Variants in IL17RB observed in about 807,000 individuals in gnomAD.
IL17RB encodes interleukin-17 receptor B.
A neutral mutation model predicts 43.9 loss-of-function variants in IL17RB; 36 were observed. The observed-to-expected ratio is 0.82, with a 90% CI of 0.63 to 1.08. The LOEUF (loss-of-function observed/expected upper bound fraction) is 1.08, where lower values mean the gene tolerates loss of function less well. Among genes scored for constraint, IL17RB ranks in the 50% least tolerant of loss-of-function variants. IL17RB has a pLI of 0.00. For synonymous variants in IL17RB, 225 were observed against 225.4 expected (o/e 1.00, Z 0.02); for missense variants, 613 against 613.6 (o/e 1.00, Z 0.01).
chr3:53,849,971 A>G (rs574515451), intron 3 of IL17RB, among the ~76,000 whole-genome samples, 176 bp downstream of exon 3: 59 of 152,354 alleles, frequency 3.9e-4, no homozygotes, highest in African/African-American at 1.3e-3. Context: ...AGGCAACATT[A>G]GAAAGCACTC....
At chr3:53,847,192 C>A (rs1263192787) in intron 1 of IL17RB, among the ~76,000 whole-genome samples, 1 of 152,154 alleles carries the variant, frequency 6.6e-6, no homozygotes, top group Non-Finnish European at 1.5e-5. Context: ...CCCCAAATAA[C>A]CTTTGAAATG....
At chr3:53,849,952 A>G (rs1051549412) in intron 3 of IL17RB, among the ~76,000 whole-genome samples, 157 bp downstream of exon 3, 8 of 152,228 alleles carry the variant, frequency 5.3e-5, no homozygotes, top group Non-Finnish European at 8.8e-5. Context: ...CAGTAGCACT[A>G]CTTACAACAG....
intron 8 of IL17RB, 147 bp downstream of exon 8, chr3:53,857,837 G>T (rs1231592485): frequency 8.3e-6 from 6 of 721,820 alleles, no homozygotes; most frequent in Non-Finnish European, 1.5e-5. Flanking sequence ...CTCTTTCGCT[G>T]CAGCCTCCAC....
At chr3:53,850,195 T>C (rs367987188) in intron 3 of IL17RB, among the ~76,000 whole-genome samples, 1 of 152,144 alleles carries the variant, frequency 6.6e-6, no homozygotes, top group Non-Finnish European at 1.5e-5. Flanking sequence ...ACCAATCTAG[T>C]GTTTAGAAGT....
chr3:53,848,403 A>G (rs959381720), intron 1 of IL17RB, among the ~76,000 whole-genome samples: 2 of 152,188 alleles, frequency 1.3e-5, no homozygotes, highest in Admixed American at 1.3e-4. Context: ...ACAGATGGAG[A>G]CCCACCTGTG....
At chr3:53,862,675 C>T (rs1212061805) in intron 10 of IL17RB, among the ~76,000 whole-genome samples, 3 of 152,100 alleles carry the variant, frequency 2.0e-5, no homozygotes, top group African/African-American at 2.4e-5. Flanking sequence ...ATGATGAAGA[C>T]GACACAGAAG....
Position 53,846,599 on chromosome 3 carries a change from T to C in IL17RB, c.11T>C (p.Val4Ala). The change falls in exon 1 of 11, where the codon GTG becomes GCG. Residue 4 changes from valine (V) to alanine (A), a missense_variant. Coordinates refer to ENST00000288167, the MANE Select transcript of IL17RB (RefSeq NM_018725.4). MSL[V>A]LLSLAALCRS... ...CGCAGTGGCCCGGCGATGTCGCTCG[T>C]GCTGCTAAGCCTGGCCGCGCTGTGC... 2 of 1,587,388 alleles carry C rather than the reference T, an allele frequency of 1.3e-6. No individual in the cohort carries two copies. The highest frequency in any genetic ancestry group is 1.7e-6 in the Non-Finnish European group (2 of 1,171,114).
intron 8 of IL17RB, chr3:53,858,380 G>A (rs1699427612): frequency 9.3e-7 from 1 of 1,072,274 alleles, no homozygotes; most frequent in Non-Finnish European, 1.1e-6. Context: ...CTGGCTGAAG[G>A]AAGCCAAGAG....
At chr3:53,848,763 G>C in intron 2 of IL17RB, 75 bp downstream of exon 2, 1 of 1,458,042 alleles carries the variant, frequency 6.9e-7, no homozygotes, top group South Asian at 1.1e-5. Context: ...GCCTAATATA[G>C]GCAATAGGTC....
chr3:53,850,453 C>T (rs1699095825), intron 3 of IL17RB, among the ~76,000 whole-genome samples: 1 of 145,460 alleles, frequency 6.9e-6, no homozygotes, highest in Non-Finnish European at 1.5e-5. Context: ...GCTGTGATCG[C>T]ACCACTGCAC....
chr3:53,851,736 G>A (rs1205501511), intron 3 of IL17RB, among the ~76,000 whole-genome samples: 1 of 152,170 alleles, frequency 6.6e-6, no homozygotes, highest in Non-Finnish European at 1.5e-5. Flanking sequence ...GCTGACCTAT[G>A]AGGAGGAGGG....
intron 10 of IL17RB, among the ~76,000 whole-genome samples, chr3:53,862,505 A>C (rs1699599719): frequency 6.6e-6 from 1 of 152,250 alleles, no homozygotes. Context: ...CAACAGAGCC[A>C]ATCAAGGAAA....
In IL17RB at chr3:53,865,292, G is replaced by A. The variant is rs777395445; in HGVS notation, c.1493G>A (p.Gly498Asp). The A allele has an allele frequency of 1.2e-6, 2 of 1,605,354 alleles. No homozygotes were observed. The highest frequency in any genetic ancestry group is 1.7e-6 in the Non-Finnish European group (2 of 1,179,362). The change falls in exon 11 of 11, where the codon GGC becomes GAC. Residue 498 changes from glycine (G) to aspartate (D), a missense_variant. By Grantham distance (94) the Gly-to-Asp change is moderately conservative. Transcript: ENST00000288167. ...AGKRSQACHD[G>D]CCSL The stretch of plus-strand genomic sequence containing the variant: ...AAAAGATCACAAGCCTGCCACGATG[G>A]CTGCTGCTCCTTGTAGCCCACCCAT...
intron 8 of IL17RB, 144 bp downstream of exon 8, chr3:53,857,834 G>C (rs1049114779): frequency 1.4e-6 from 1 of 729,738 alleles, no homozygotes; most frequent in Non-Finnish European, 2.4e-6. Flanking sequence ...GGGCTCTTTC[G>C]CTGCAGCCTC....
intron 2 of IL17RB, 38 bp downstream of exon 2, chr3:53,848,726 T>C (rs1699027986): frequency 6.2e-7 from 1 of 1,609,710 alleles, no homozygotes; most frequent in Non-Finnish European, 8.5e-7. Context: ...GGGCTTTACA[T>C]TGAAAGCACA....
intron 1 of IL17RB, 100 bp from the exon 2 acceptor site, chr3:53,848,564 A>T: frequency 9.1e-7 from 1 of 1,101,938 alleles, no homozygotes; most frequent in Non-Finnish European, 1.4e-6. Context: ...TGTCACTTGT[A>T]TATGCATTTA....
At chr3:53,862,286 G>A (rs954131617) in intron 10 of IL17RB, among the ~76,000 whole-genome samples, 8 of 152,076 alleles carry the variant, frequency 5.3e-5, no homozygotes, top group Admixed American at 2.6e-4. Context: ...GACCTTCAAG[G>A]CTCATTACAC....
intron 10 of IL17RB, among the ~76,000 whole-genome samples, chr3:53,863,744 G>A (rs536026982): frequency 6.6e-6 from 1 of 152,066 alleles, no homozygotes; most frequent in Admixed American, 6.5e-5. Flanking sequence ...GACTCAAAAT[G>A]TGAAGTGCAG....
chr3:53,859,582 C>G (rs1699483093), intron 9 of IL17RB: 1 of 152,554 alleles, frequency 6.6e-6, no homozygotes, highest in African/African-American at 2.4e-5. Flanking sequence ...AAAATGTCAT[C>G]TATATGTGCT....
Sources: allele counts gnomAD v4.1 joint callset (sites outside exome capture counted in the v4.1 genomes callset), GRCh38; gene constraint gnomAD v4.1.1; transcripts MANE v1.5; gene names NCBI Gene and HGNC (gene_info 2026-07-23, HGNC 2026-07-21).